The following PTPRZ1 variants were observed in gnomAD, a reference collection of about 807,000 sequenced individuals.
PTPRZ1 encodes the protein protein tyrosine phosphatase receptor type Z1.
PTPRZ1 carries 82 observed loss-of-function variants against 214.1 expected under a neutral mutation model. That is an observed-to-expected ratio of 0.38 (90% confidence interval 0.32 to 0.46). PTPRZ1 has a LOEUF of 0.46. Among genes scored for constraint, PTPRZ1 ranks in the 20% least tolerant of loss-of-function variants. The pLI is 1.00. For synonymous variants in PTPRZ1, 945 were observed against 987.9 expected (o/e 0.96, Z 0.81); for missense variants, 2,603 against 2,748.7 (o/e 0.95, Z 1.19).
intron 13 of PTPRZ1, among the ~76,000 whole-genome samples, chr7:122,023,477 ATATAATTTTATATATAATTATATATATG>A (rs1170478395): frequency 1.4e-5 from 2 of 139,524 alleles, no homozygotes; most frequent in South Asian, 2.1e-4. Context: ...TTATATATAT[ATATAATTTTATATATAATTATATATATG>A]TATAATTTTA....
chr7:121,927,154 TAAAC>T (rs1367352583), intron 1 of PTPRZ1, among the ~76,000 whole-genome samples: 3 of 152,248 alleles, frequency 2.0e-5, no homozygotes, highest in African/African-American at 7.2e-5. Flanking sequence ...TCATACTATA[TAAAC>T]AGAGTGCCAA....
intron 1 of PTPRZ1, among the ~76,000 whole-genome samples, chr7:121,904,895 C>G (rs947188898): frequency 6.6e-6 from 1 of 152,128 alleles, no homozygotes; most frequent in Non-Finnish European, 1.5e-5. Context: ...ATTAGGTAAT[C>G]TACAATCTTT....
At chr7:122,027,220 G>T (rs974961350) in intron 13 of PTPRZ1, among the ~76,000 whole-genome samples, 1 of 152,100 alleles carries the variant, frequency 6.6e-6, no homozygotes, top group African/African-American at 2.4e-5. Context: ...AAGAGTCAAG[G>T]CCCTGAAAAG....
chr7:121,901,879 A>G (rs1339468391), intron 1 of PTPRZ1, among the ~76,000 whole-genome samples: 1 of 152,186 alleles, frequency 6.6e-6, no homozygotes. Context: ...TCCCTATTCT[A>G]GCTAATTTGA....
intron 2 of PTPRZ1, among the ~76,000 whole-genome samples, chr7:121,950,334 G>A (rs1796513117): frequency 6.6e-6 from 1 of 152,202 alleles, no homozygotes; most frequent in Non-Finnish European, 1.5e-5. Flanking sequence ...AACCATGTCA[G>A]GAACTAATGT....
At chr7:122,024,479 T>G (rs541451421) in intron 13 of PTPRZ1, among the ~76,000 whole-genome samples, 1 of 152,264 alleles carries the variant, frequency 6.6e-6, no homozygotes, top group East Asian at 1.9e-4. Context: ...AATGGAGGTC[T>G]TCTGGTACCA....
intron 1 of PTPRZ1, among the ~76,000 whole-genome samples, chr7:121,920,803 A>G (rs1012506394): frequency 1.3e-5 from 2 of 152,128 alleles, no homozygotes; most frequent in Non-Finnish European, 2.9e-5. Flanking sequence ...TCAACTTTTA[A>G]TTTTAGCACC....
intron 13 of PTPRZ1, among the ~76,000 whole-genome samples, chr7:122,020,293 T>C (rs942683553): frequency 6.6e-6 from 1 of 152,156 alleles, no homozygotes; most frequent in Non-Finnish European, 1.5e-5. Context: ...TGAAGAAATA[T>C]ATGCTTATTG....
intron 2 of PTPRZ1, among the ~76,000 whole-genome samples, chr7:121,946,260 C>A (rs1024467757): frequency 6.6e-6 from 1 of 152,192 alleles, no homozygotes. Flanking sequence ...AGGATCTTAA[C>A]ACATCCCTAG....
intron 15 of PTPRZ1, chr7:122,031,969 T>C (rs1799390673): frequency 6.6e-6 from 1 of 152,580 alleles, no homozygotes; most frequent in South Asian, 2.1e-4. Flanking sequence ...CCAGTGTTAA[T>C]GCAAAAGCAT....
chr7:121,931,854 C>A (rs1447195914), intron 2 of PTPRZ1, among the ~76,000 whole-genome samples: 2 of 151,934 alleles, frequency 1.3e-5, no homozygotes, highest in African/African-American at 2.4e-5. Context: ...TAACCTAAGG[C>A]CTATTGGCTT....
chr7:121,979,081 A>C (rs76252865), intron 6 of PTPRZ1, among the ~76,000 whole-genome samples: 3 of 144,210 alleles, frequency 2.1e-5, no homozygotes, highest in Non-Finnish European at 4.6e-5. Context: ...AAAAAAAAAA[A>C]CACCTTTTCA....
intron 11 of PTPRZ1, among the ~76,000 whole-genome samples, chr7:122,006,275 A>G (rs948699098): frequency 6.6e-6 from 1 of 152,036 alleles, no homozygotes; most frequent in African/African-American, 2.4e-5. Context: ...TTTTCTACCT[A>G]TCTGAAAATA....
At chr7:121,962,460 A>G in intron 2 of PTPRZ1, among the ~76,000 whole-genome samples, 1 of 66,002 alleles carries the variant, frequency 1.5e-5, no homozygotes. Flanking sequence ...AATAATAATA[A>G]TAATAATAAT....
intron 13 of PTPRZ1, among the ~76,000 whole-genome samples, chr7:122,020,230 A>T (rs1405607428): frequency 1.3e-5 from 2 of 152,196 alleles, no homozygotes; most frequent in Admixed American, 6.6e-5. Flanking sequence ...TACTGTGTTA[A>T]CCATCAGGAA....
At position 121,950,054 on chromosome 7, in the gene PTPRZ1, C is replaced by T. The variant is rs534514624; in HGVS notation, c.125-17897C>T. Among the ~76,000 whole-genome samples, 61 of 152,268 alleles carry T rather than the reference C, an allele frequency of 4.0e-4. No homozygotes were observed. In the East Asian group the frequency reaches 9.5e-3, roughly 24 times the overall value. On this transcript the variant is annotated intron_variant, in intron 2 of 29. Coordinates refer to ENST00000393386, the MANE Select transcript of PTPRZ1 (RefSeq NM_002851.3). ...TACAAACGAAAGAGGTTTAATTGGA[C>T]TTACAGTTCCACATGGCTGGGGAAG...
chr7:121,975,633 C>T (rs1366084056), intron 4 of PTPRZ1, among the ~76,000 whole-genome samples: 3 of 152,084 alleles, frequency 2.0e-5, no homozygotes, highest in Admixed American at 6.6e-5. Flanking sequence ...AGGAGAAGCA[C>T]CAAATTATAT....
chr7:121,942,821 C>T (rs1229141493), intron 2 of PTPRZ1, among the ~76,000 whole-genome samples: 1 of 152,058 alleles, frequency 6.6e-6, no homozygotes, highest in Non-Finnish European at 1.5e-5. Flanking sequence ...TAATATTTGG[C>T]CTTAAATAGA....
chr7:121,969,327 C>A (rs1317248825), intron 3 of PTPRZ1, among the ~76,000 whole-genome samples: 1 of 152,044 alleles, frequency 6.6e-6, no homozygotes, highest in African/African-American at 2.4e-5. Flanking sequence ...TTTGGGAGGC[C>A]AAGGTGGGTG....
Sources: gnomAD v4.1 joint callset for allele counts (sites outside exome capture counted in the v4.1 genomes callset) on GRCh38, gnomAD v4.1.1 for gene constraint, MANE v1.5 for transcripts, NCBI Gene and HGNC (gene_info 2026-07-23, HGNC 2026-07-21) for gene names.